EPS15L1: variants seen among roughly 807,000 people sequenced by gnomAD.
EPS15L1 encodes the protein epidermal growth factor receptor substrate 15-like 1.
In EPS15L1, 43 loss-of-function variants were observed where a neutral mutation model predicts 117.1. The observed-to-expected ratio is 0.37, with a 90% CI of 0.29 to 0.47. The LOEUF is 0.47. EPS15L1 is among the 20% of genes least tolerant of loss of function. EPS15L1 has a pLI of 0.99. For missense variants in EPS15L1, 981 were observed against 1,164.0 expected, an observed-to-expected ratio of 0.84 and a Z score of 2.29; for synonymous variants, 459 against 470.5, an observed-to-expected ratio of 0.98 and a Z score of 0.32.
intron 20 of EPS15L1, among the ~76,000 whole-genome samples, chr19:16,385,445 G>A (rs2092410440): frequency 1.3e-5 from 2 of 152,282 alleles, no homozygotes; most frequent in East Asian, 1.9e-4. Flanking sequence ...CATCATTCAC[G>A]GTCATCAGAA....
At chr19:16,435,658 G>A (rs1172010872) in intron 6 of EPS15L1, among the ~76,000 whole-genome samples, 1 of 124,880 alleles carries the variant, frequency 8.0e-6, no homozygotes, top group Admixed American at 7.8e-5. Context: ...GTCTTTCTCG[G>A]GGGCCTGGGA....
At chr19:16,393,160 G>A (rs2092498752) in intron 18 of EPS15L1, among the ~76,000 whole-genome samples, 1 of 151,284 alleles carries the variant, frequency 6.6e-6, no homozygotes, top group Non-Finnish European at 1.5e-5. Context: ...ACAGAAAATA[G>A]GTTGGTGGGT....
rs199776748 is a variant in EPS15L1, at chr19:16,369,123, AAG to A, written c.2381-7141_2381-7140del. ...CAACGTCTTCCTCTGGCTCCCATCT[AAG>A]ACACATGAGGGGAGTTTGTTTTTTA... On this transcript the variant is annotated intron_variant, in intron 22 of 23. Coordinates refer to ENST00000455140, the MANE Select transcript of EPS15L1 (RefSeq NM_001258374.3). Among the ~76,000 whole-genome samples the A allele has an allele frequency of 1.5e-3, 227 of 152,258 alleles. 6 individuals carry two copies. In the East Asian group the frequency reaches 0.04, roughly 27 times the overall value.
chr19:16,413,643 C>A, intron 13 of EPS15L1, 130 bp downstream of exon 13: 1 of 783,570 alleles, frequency 1.3e-6, no homozygotes, highest in South Asian at 1.6e-5. Flanking sequence ...CTTCATTCTG[C>A]AGCCCCCAAG....
rs1215712755 is a variant in EPS15L1, at chr19:16,365,411, C to A, written c.2381-3427G>T. Reference sequence around the variant, plus strand: ...AAAGAACTTAGGACACAGATCTACACACAGAACAGCAATGTGAAGATGCAC... The same window carrying A: ...AAAGAACTTAGGACACAGATCTACAAACAGAACAGCAATGTGAAGATGCAC... On this transcript the variant is annotated intron_variant, in intron 22 of 23. Transcript: ENST00000455140. This position sits in a 1 kb window ranked among gnomAD's most constrained non-coding sequence, Gnocchi z 4.9. Among the ~76,000 whole-genome samples the A allele has an allele frequency of 6.6e-6, 1 of 152,240 alleles. No individual in the cohort carries two copies. Among genetic ancestry groups the A allele is most frequent in the East Asian group, 1.9e-4 (1 of 5,204 alleles).
At position 16,401,854 on chromosome 19, in the gene EPS15L1, T is replaced by G. The variant is rs2092604642; in HGVS notation, c.1791+467A>C. The G allele has an allele frequency of 3.0e-6, 3 of 987,638 alleles. No homozygotes were observed. The African/African-American group carries it at 5.2e-5, about 17-fold the overall frequency. The allele number at this position is 987,638 out of a possible 1,614,324, so 61.2% of individuals were successfully genotyped here. On this transcript the variant is annotated intron_variant, in intron 16 of 23. Transcript: ENST00000455140. ...CCCTGGGGCGCTGCTTGCCATTACT[T>G]CCTCATCTTTAGCAACACATTTGCT...
At chr19:16,403,675 C>T (rs894433186) in intron 15 of EPS15L1, 58 bp downstream of exon 15, 28 of 1,512,684 alleles carry the variant, frequency 1.9e-5, no homozygotes, top group Middle Eastern at 1.8e-4. Context: ...GTGGCAGCCT[C>T]GGCTCTTGGG....
At chr19:16,464,599 C>A (rs1182341265) in intron 1 of EPS15L1, among the ~76,000 whole-genome samples, 1 of 152,226 alleles carries the variant, frequency 6.6e-6, no homozygotes, top group Non-Finnish European at 1.5e-5. Flanking sequence ...CCTAGACCTG[C>A]AGCCTCTCAG....
chr19:16,449,010 G>A (rs1055653416), intron 1 of EPS15L1, among the ~76,000 whole-genome samples: 1 of 151,642 alleles, frequency 6.6e-6, no homozygotes, highest in Non-Finnish European at 1.5e-5. Flanking sequence ...ATGGTGGTGC[G>A]TACCTGTAGT....
At chr19:16,407,573 G>T (rs569254902) in intron 13 of EPS15L1, among the ~76,000 whole-genome samples, 1 of 152,166 alleles carries the variant, frequency 6.6e-6, no homozygotes, top group South Asian at 2.1e-4. Flanking sequence ...TGATCCGCCA[G>T]ACTCAGTCTC....
chr19:16,412,534 G>A (rs938966859), intron 13 of EPS15L1: 4 of 152,022 alleles, frequency 2.6e-5, no homozygotes, highest in African/African-American at 9.7e-5. Context: ...ACTCTCGCCA[G>A]GCTTGGTGGC....
At chr19:16,391,682 G>C (rs1235111744) in intron 19 of EPS15L1, among the ~76,000 whole-genome samples, 1 of 150,690 alleles carries the variant, frequency 6.6e-6, no homozygotes, top group Non-Finnish European at 1.5e-5. Context: ...CAATCTCTTG[G>C]GCATAATATG....
rs543148030 is a variant in EPS15L1 at position 16,471,559 on chromosome 19, C to T, written c.33+354G>A. The stretch of plus-strand genomic sequence containing the variant: ...GAGACAAAGACTCGCTGGGCCGCCG[C>T]GCCGACAGAAACGCTCGCACCCCTC... On this transcript the variant is annotated intron_variant, in intron 1 of 23. Transcript: ENST00000455140. This position sits in a 1 kb window ranked among gnomAD's most constrained non-coding sequence, Gnocchi z 4.8. 3.3e-5 allele frequency among the ~76,000 whole-genome samples: 5 copies of T among 152,306 alleles called. No individual in the cohort carries two copies. The South Asian group carries it at 1.0e-3, about 32-fold the overall frequency.
chr19:16,436,176 G>A (rs749980216), intron 6 of EPS15L1, among the ~76,000 whole-genome samples: 6 of 152,182 alleles, frequency 3.9e-5, no homozygotes, highest in East Asian at 1.9e-4. Context: ...CAAACCAACC[G>A]TGTAAACATG....
intron 1 of EPS15L1, among the ~76,000 whole-genome samples, chr19:16,451,141 G>T (rs1568462362): frequency 1.3e-5 from 2 of 151,746 alleles, no homozygotes; most frequent in African/African-American, 4.8e-5. Context: ...AGTAGAGACC[G>T]GGTCTCACCA....
intron 21 of EPS15L1, chr19:16,382,951 GTTTTT>G: frequency 6.6e-6 from 1 of 150,864 alleles, no homozygotes; most frequent in Non-Finnish European, 1.5e-5. Context: ...GTTGATGATG[GTTTTT>G]TTTTGTTTTT....
intron 23 of EPS15L1, among the ~76,000 whole-genome samples, chr19:16,356,057 G>C (rs1023618792): frequency 2.4e-4 from 37 of 152,370 alleles, no homozygotes; most frequent in African/African-American, 8.7e-4. Flanking sequence ...CAGAGTGGAC[G>C]GGATGCATGT....
intron 15 of EPS15L1, among the ~76,000 whole-genome samples, chr19:16,403,144 G>C (rs1200245244): frequency 2.0e-5 from 3 of 152,158 alleles, no homozygotes; most frequent in Admixed American, 6.5e-5. Context: ...GTGTAGACTG[G>C]ATGCCCAGGG....
At chr19:16,412,723 GGGGGT>G (rs2092719323) in intron 13 of EPS15L1, 3 of 169,934 alleles carry the variant, frequency 1.8e-5, no homozygotes, top group African/African-American at 5.8e-5. Flanking sequence ...TGGGGGGGGG[GGGGGT>G]GTCAGAGGCC....
Sources: allele counts gnomAD v4.1 joint callset (sites outside exome capture counted in the v4.1 genomes callset), GRCh38; gene constraint gnomAD v4.1.1; non-coding constraint Gnocchi (gnomAD v3.1); transcripts MANE v1.5; gene names NCBI Gene and HGNC (gene_info 2026-07-23, HGNC 2026-07-21).